Variants in PRSS38 observed in about 807,000 individuals in gnomAD.
PRSS38 encodes serine protease 38.
PRSS38 carries 22 observed loss-of-function variants against 26.8 expected under a neutral mutation model. The ratio of observed to expected loss-of-function variants is 0.82; its 90% confidence interval spans 0.59 to 1.17. The LOEUF is 1.17. Among genes scored for constraint, PRSS38 ranks in the 50% most tolerant of loss-of-function variants. PRSS38 has a pLI of 0.00. For synonymous variants in PRSS38, 175 were observed against 172.1 expected (o/e 1.02, Z -0.13); for missense variants, 427 against 422.7 (o/e 1.01, Z -0.09).
At position 227,816,251 on chromosome 1, in the gene PRSS38, A is replaced by G; in HGVS notation, c.310A>G (p.Arg104Gly). The G allele has an allele frequency of 6.2e-7, 1 of 1,609,654 alleles. No individual in the cohort carries two copies. Among genetic ancestry groups the G allele is most frequent in the Non-Finnish European group, 8.5e-7 (1 of 1,176,594 alleles). Residue 104 changes from arginine to glycine, a missense_variant and splice_region_variant, in exon 2 of 5, where the codon AGG (arginine) becomes GGG (glycine). By Grantham distance (125) the Arg-to-Gly change is moderately radical. Transcript: ENST00000366757. The surrounding 1 kb of genome is among the most constrained non-coding windows in gnomAD (Gnocchi z 5.1). ...GCTGTCAGCTGCGCACTGCTTTCAC[A>G]GGTAAGCGGGCGCCGGCCTGGGATG...
At chr1:227,823,155 T>C (rs1428898273) in intron 3 of PRSS38, among the ~76,000 whole-genome samples, 2 of 152,124 alleles carry the variant, frequency 1.3e-5, no homozygotes, top group African/African-American at 4.8e-5. Flanking sequence ...GTGAACTTTA[T>C]TTAGCTCCCA....
At chr1:227,838,367 G>A (rs1665268382) in intron 3 of PRSS38, among the ~76,000 whole-genome samples, 1 of 152,188 alleles carries the variant, frequency 6.6e-6, no homozygotes, top group Non-Finnish European at 1.5e-5. Context: ...TGTGGCCCCC[G>A]CTGGGCCTGT....
rs930740749 is a variant in PRSS38, at chr1:227,834,311, T to C, written c.584-11159T>C. On this transcript the variant is annotated intron_variant, in intron 3 of 4. Transcript: ENST00000366757. ...GCCCTAGGAAACAAATACAGAAACA[T>C]AGGTCAAGAAATCACAACCTTGGAC... is the stretch of plus-strand genomic sequence containing the variant. Among the ~76,000 whole-genome samples, 29 of 152,120 alleles carry C rather than the reference T, an allele frequency of 1.9e-4. 1 individual carries two copies. The highest frequency in any genetic ancestry group is 1.3e-4 in the Non-Finnish European group (9 of 68,030).
intron 3 of PRSS38, among the ~76,000 whole-genome samples, chr1:227,828,216 A>G (rs1665102632): frequency 6.6e-6 from 1 of 152,214 alleles, no homozygotes; most frequent in African/African-American, 2.4e-5. Context: ...CACTTGATCC[A>G]GATCTGAGTT....
At chr1:227,845,642 G>T (rs200438412) in intron 4 of PRSS38, 30 bp downstream of exon 4, 3 of 1,603,576 alleles carry the variant, frequency 1.9e-6, no homozygotes, top group African/African-American at 1.3e-5. Context: ...TGAGACAGAG[G>T]TCATGGGTGC....
intron 3 of PRSS38, among the ~76,000 whole-genome samples, chr1:227,819,511 A>T (rs1428105204): frequency 6.6e-6 from 1 of 152,230 alleles, no homozygotes; most frequent in Non-Finnish European, 1.5e-5. Context: ...TCTACAAAAA[A>T]GGCCATTGGA....
At chr1:227,842,282 G>A (rs909354544) in intron 3 of PRSS38, among the ~76,000 whole-genome samples, 9 of 152,112 alleles carry the variant, frequency 5.9e-5, no homozygotes, top group African/African-American at 2.2e-4. Flanking sequence ...TCTCATTCCA[G>A]GAAAGCTTTC....
intron 3 of PRSS38, among the ~76,000 whole-genome samples, chr1:227,834,529 C>T (rs1056010482): frequency 1.1e-4 from 16 of 151,980 alleles, no homozygotes; most frequent in Admixed American, 5.2e-4. Flanking sequence ...ATTAGCCGGG[C>T]GTGGTGGTGT....
Position 227,845,463 on chromosome 1 carries a change from C to A in PRSS38, c.584-7C>A. 16 of 1,607,002 alleles carry A rather than the reference C, an allele frequency of 1.0e-5. No individual in the cohort carries two copies. The highest frequency in any genetic ancestry group is 1.4e-5 in the Non-Finnish European group (16 of 1,178,020). Reference sequence around the variant, plus strand: ...GCTGCCCCCTCACGGGAGCCCTCCTCCCACAGGTGAGACCTCAGACGAGCT... The same window carrying A: ...GCTGCCCCCTCACGGGAGCCCTCCTACCACAGGTGAGACCTCAGACGAGCT... On this transcript the variant is annotated splice_region_variant and splice_polypyrimidine_tract_variant and intron_variant, in intron 3 of 4. Transcript: ENST00000366757.
At chr1:227,839,977 G>A (rs527423582) in intron 3 of PRSS38, among the ~76,000 whole-genome samples, 74 of 152,130 alleles carry the variant, frequency 4.9e-4, no homozygotes, top group Non-Finnish European at 8.4e-4. Context: ...TAGCTAGAAA[G>A]ACTTGCGAAC....
At chr1:227,845,661 T>G (rs758307333) in intron 4 of PRSS38, 49 bp downstream of exon 4, 24 of 1,589,206 alleles carry the variant, frequency 1.5e-5, no homozygotes, top group Non-Finnish European at 2.1e-5. Flanking sequence ...GCCCTGTGCC[T>G]GTGGACCCCA....
intron 3 of PRSS38, among the ~76,000 whole-genome samples, chr1:227,844,383 A>T (rs1665383447): frequency 6.6e-6 from 1 of 152,030 alleles, no homozygotes; most frequent in African/African-American, 2.4e-5. Context: ...GCTTCTCCCT[A>T]CGTGTGGTGG....
chr1:227,832,465 A>C (rs1665166838), intron 3 of PRSS38, among the ~76,000 whole-genome samples: 1 of 152,240 alleles, frequency 6.6e-6, no homozygotes, highest in African/African-American at 2.4e-5. Flanking sequence ...ACTATATTTC[A>C]AAAGATGTTT....
At chr1:227,826,029 C>T (rs554416970) in intron 3 of PRSS38, among the ~76,000 whole-genome samples, 10 of 152,050 alleles carry the variant, frequency 6.6e-5, no homozygotes, top group Non-Finnish European at 1.2e-4. Flanking sequence ...AATGTTTCTC[C>T]GTTTGTTTGT....
chr1:227,822,844 T>A (rs953585158), intron 3 of PRSS38, among the ~76,000 whole-genome samples: 1 of 152,232 alleles, frequency 6.6e-6, no homozygotes, highest in South Asian at 2.1e-4. Flanking sequence ...TGAGCATGTG[T>A]CTTACCCTGG....
In PRSS38 at chr1:227,816,067, C is replaced by A. The variant is rs766441719; in HGVS notation, c.149-23C>A. ...TCCCGTGGCCCCAGCATGGCTCCAC[C>A]GTCAGCTCCGTTCTCCCTGCAGCCT... On this transcript the variant is annotated intron_variant, in intron 1 of 4. Transcript: ENST00000366757. The surrounding 1 kb of genome is among the most constrained non-coding windows in gnomAD (Gnocchi z 5.1). 6.2e-6 allele frequency: 10 copies of A among 1,603,096 alleles called. No homozygotes were observed. The South Asian group carries it at 1.0e-4, about 16-fold the overall frequency.
intron 3 of PRSS38, among the ~76,000 whole-genome samples, chr1:227,820,599 G>T (rs1664989787): frequency 1.3e-5 from 2 of 152,050 alleles, no homozygotes; most frequent in African/African-American, 4.8e-5. Context: ...CTTTGTCATG[G>T]TTTTATATGC....
chr1:227,825,282 C>G (rs570044645), intron 3 of PRSS38, among the ~76,000 whole-genome samples: 3 of 152,170 alleles, frequency 2.0e-5, no homozygotes, highest in Non-Finnish European at 4.4e-5. Flanking sequence ...ACCTCCAACT[C>G]CCTGGTTCAA....
intron 3 of PRSS38, among the ~76,000 whole-genome samples, chr1:227,843,193 G>A (rs1027870438): frequency 5.9e-5 from 9 of 152,164 alleles, no homozygotes; most frequent in Non-Finnish European, 1.3e-4. Flanking sequence ...ATGCATAAAT[G>A]AGCTGCAGGC....
Sources: allele counts gnomAD v4.1 joint callset (sites outside exome capture counted in the v4.1 genomes callset), GRCh38; gene constraint gnomAD v4.1.1; non-coding constraint Gnocchi (gnomAD v3.1); transcripts MANE v1.5; gene names NCBI Gene and HGNC (gene_info 2026-07-23, HGNC 2026-07-21).